PTBP3: variants seen among roughly 807,000 people sequenced by gnomAD.
PTBP3 encodes polypyrimidine tract-binding protein 3.
In PTBP3, 20 loss-of-function variants were observed where a neutral mutation model predicts 58.7. The ratio of observed to expected loss-of-function variants is 0.34; its 90% CI spans 0.24 to 0.50. The LOEUF (loss-of-function observed/expected upper bound fraction) is 0.50. Among genes scored for constraint, PTBP3 ranks in the 20% least tolerant of loss-of-function variants. PTBP3 has a pLI of 0.98. For synonymous variants in PTBP3, 185 were observed against 219.8 expected, an observed-to-expected ratio of 0.84 and a Z score of 1.40; for missense variants, 509 against 637.2, an observed-to-expected ratio of 0.80 and a Z score of 2.17.
At chr9:112,225,813 T>C (rs757154490) in intron 12 of PTBP3, among the ~76,000 whole-genome samples, 1 of 152,076 alleles carries the variant, frequency 6.6e-6, no homozygotes, top group African/African-American at 2.4e-5. Context: ...TCCCAACACT[T>C]TGGGAGGCAG....
At chr9:112,268,018 AC>A (rs1403352711) in intron 4 of PTBP3, 30 bp downstream of exon 4, 2 of 1,578,588 alleles carry the variant, frequency 1.3e-6, no homozygotes, top group Non-Finnish European at 1.7e-6. Context: ...GTGTTCCCAT[AC>A]CTATTTTTAA....
the PTBP3 span, among the ~76,000 whole-genome samples, chr9:112,372,808 C>T: frequency 6.6e-6 from 1 of 151,934 alleles, no homozygotes; most frequent in Non-Finnish European, 1.5e-5. Flanking sequence ...TTTATCCATT[C>T]ATTAGTTGAT....
At chr9:112,290,733 C>CACACACACAT (rs1398814034) in intron 2 of PTBP3, among the ~76,000 whole-genome samples, 1 of 148,572 alleles carries the variant, frequency 6.7e-6, no homozygotes, top group Non-Finnish European at 1.5e-5. Context: ...CACACACACA[C>CACACACACAT]ACACAATCAA....
chr9:112,271,015 A>C (rs1827363774), intron 3 of PTBP3, among the ~76,000 whole-genome samples: 1 of 151,736 alleles, frequency 6.6e-6, no homozygotes, highest in Non-Finnish European at 1.5e-5. Context: ...TTAGTAGAGA[A>C]GGGGCTTCAC....
At chr9:112,330,040 T>C (rs1830307264) in intron 1 of PTBP3, among the ~76,000 whole-genome samples, 1 of 151,990 alleles carries the variant, frequency 6.6e-6, no homozygotes, top group African/African-American at 2.4e-5. Context: ...TTAATAGAGA[T>C]AGGGTTTCAC....
chr9:112,335,798 G>A (rs536511015), upstream of PTBP3, among the ~76,000 whole-genome samples: 220 of 147,560 alleles, frequency 1.5e-3, 1 homozygote, highest in African/African-American at 4.5e-3. Flanking sequence ...GGTGGTGCAC[G>A]CCTGTAATCC....
intron 2 of PTBP3, among the ~76,000 whole-genome samples, chr9:112,279,035 T>C (rs904690937): frequency 1.3e-5 from 2 of 152,148 alleles, no homozygotes; most frequent in Non-Finnish European, 2.9e-5. Flanking sequence ...ACTGAACATA[T>C]TATTACTATA....
chr9:112,353,817 G>T, the PTBP3 span, among the ~76,000 whole-genome samples: 1 of 152,040 alleles, frequency 6.6e-6, no homozygotes, highest in South Asian at 2.1e-4. Flanking sequence ...AATTAGCCAG[G>T]CGTGGTGGCT....
chr9:112,297,854 A>G lies in PTBP3; in HGVS notation c.12T>C (p.Ser4=), dbSNP rs1247753621. Residue 4 remains serine (S), a synonymous_variant, in exon 2 of 14, where the codon TCT becomes TCC. Coordinates refer to ENST00000374257, the MANE Select transcript of PTBP3 (RefSeq NM_001163788.4). MNS[S]TPSTGVYANG... The stretch of plus-strand genomic sequence containing the variant: ...CACCATACACACCTGTAGAAGGAGT[A>G]GAACTATTCATGGTAAAAGGTCCGT... 2 of 1,610,094 alleles carry G rather than the reference A, an allele frequency of 1.2e-6. No individual in the cohort carries two copies. Among genetic ancestry groups the G allele is most frequent in the South Asian group, 1.1e-5 (1 of 90,352 alleles).
In PTBP3 at chr9:112,221,970, C is replaced by G. The variant is rs1157717527; in HGVS notation, c.*1881G>C. 1.1e-6 allele frequency: 1 copy of G among 924,160 alleles called. No homozygotes were observed. The highest frequency in any genetic ancestry group is 1.8e-5 in the African/African-American group (1 of 55,810). 57.2% of individuals were successfully genotyped at this position (924,160 alleles called of 1,614,324 possible). On this transcript the variant is annotated 3_prime_UTR_variant, in exon 14 of 14. Coordinates refer to ENST00000374257, the MANE Select transcript of PTBP3 (RefSeq NM_001163788.4). ...AGGGCTGGAGTGAAGTGGCTATTCA[C>G]AAATGTGATCATAGCGCACTGCAGC... is the stretch of plus-strand genomic sequence containing the variant.
intron 2 of PTBP3, among the ~76,000 whole-genome samples, chr9:112,279,475 T>A (rs576530659): frequency 6.6e-6 from 1 of 152,298 alleles, no homozygotes; most frequent in East Asian, 1.9e-4. Context: ...ATTCATTTTT[T>A]AAAAATCAAC....
chr9:112,272,308 T>A (rs1384851702), intron 3 of PTBP3, among the ~76,000 whole-genome samples: 3 of 152,178 alleles, frequency 2.0e-5, no homozygotes, highest in Non-Finnish European at 2.9e-5. Flanking sequence ...CAAGTAATCC[T>A]CCTGCCTCAG....
chr9:112,278,556 C>T (rs939816730), intron 2 of PTBP3, among the ~76,000 whole-genome samples: 2 of 152,124 alleles, frequency 1.3e-5, no homozygotes, highest in Non-Finnish European at 2.9e-5. Flanking sequence ...TGAGAAAATG[C>T]GAATACCGAA....
chr9:112,295,920 C>T (rs1828665639), intron 2 of PTBP3, among the ~76,000 whole-genome samples: 1 of 152,144 alleles, frequency 6.6e-6, no homozygotes, highest in Non-Finnish European at 1.5e-5. Context: ...AGAACTAGAT[C>T]AAGCTTGTCC....
intron 2 of PTBP3, among the ~76,000 whole-genome samples, chr9:112,294,706 C>T (rs1196551957): frequency 6.6e-6 from 1 of 151,988 alleles, no homozygotes; most frequent in African/African-American, 2.4e-5. Context: ...TTTATATACT[C>T]GAAATTATCT....
chr9:112,342,079 A>G, the PTBP3 span, among the ~76,000 whole-genome samples: 1 of 152,182 alleles, frequency 6.6e-6, no homozygotes, highest in African/African-American at 2.4e-5. Context: ...TGGATAGAAA[A>G]AAAAGGCAGA....
the PTBP3 span, among the ~76,000 whole-genome samples, chr9:112,365,426 T>C: frequency 6.6e-6 from 1 of 152,074 alleles, no homozygotes; most frequent in African/African-American, 2.4e-5. Flanking sequence ...GGAGTTTCCT[T>C]GCACACACTC....
chr9:112,289,325 A>G (rs1288024812), intron 2 of PTBP3, among the ~76,000 whole-genome samples: 1 of 152,154 alleles, frequency 6.6e-6, no homozygotes, highest in African/African-American at 2.4e-5. Flanking sequence ...TGTCTTCTAC[A>G]TTGCTTATAT....
chr9:112,290,006 C>G (rs992503777), intron 2 of PTBP3, among the ~76,000 whole-genome samples: 1 of 152,006 alleles, frequency 6.6e-6, no homozygotes, highest in African/African-American at 2.4e-5. Flanking sequence ...AATTTGCAGA[C>G]AATTGAAGAA....
Sources: gnomAD v4.1 joint callset for allele counts (sites outside exome capture counted in the v4.1 genomes callset) on GRCh38, gnomAD v4.1.1 for gene constraint, MANE v1.5 for transcripts, NCBI Gene and HGNC (gene_info 2026-07-23, HGNC 2026-07-21) for gene names.